BANF2: variants seen among roughly 807,000 people sequenced by gnomAD.
The protein encoded by BANF2 is BANF family member 2.
In BANF2, 4 loss-of-function variants were observed where a neutral mutation model predicts 8.0. The observed-to-expected ratio is 0.50, with a 90% CI of 0.25 to 1.14. The LOEUF (loss-of-function observed/expected upper bound fraction) is 1.14. Ranked by LOEUF, BANF2 falls within the 50% of genes most tolerant of loss-of-function variation. The probability of loss-of-function intolerance (pLI) is 0.16; values close to 1 mark genes in which losing one functional copy is unlikely to be tolerated. For synonymous variants in BANF2, 50 were observed against 40.6 expected (o/e 1.23, Z -0.88); for missense variants, 96 against 107.5 (o/e 0.89, Z 0.47).
upstream of BANF2, among the ~76,000 whole-genome samples, chr20:17,695,445 C>CAAAAAA (rs71192401): frequency 4.1e-4 from 21 of 51,354 alleles, no homozygotes; most frequent in Admixed American, 7.5e-4. Flanking sequence ...GACCTTGTCT[C>CAAAAAA]AAAAAAAAAA....
chr20:17,728,252 C>T (rs545758585), intron 3 of BANF2, among the ~76,000 whole-genome samples: 1 of 152,292 alleles, frequency 6.6e-6, no homozygotes, highest in Non-Finnish European at 1.5e-5. Context: ...TTCCTGGCCT[C>T]GCCCCATGGG....
intron 1 of BANF2, chr20:17,693,787 T>C: frequency 6.7e-7 from 1 of 1,487,738 alleles, no homozygotes. Context: ...ATCACCTGGC[T>C]AGGAGAGGTG....
intron 1 of BANF2, among the ~76,000 whole-genome samples, chr20:17,702,908 C>T (rs1399959844): frequency 2.6e-5 from 4 of 152,156 alleles, no homozygotes; most frequent in Non-Finnish European, 5.9e-5. Context: ...AGGAGCTGCG[C>T]TTGTTGTTTA....
intron 1 of BANF2, among the ~76,000 whole-genome samples, chr20:17,713,725 C>T (rs1458420723): frequency 6.6e-6 from 1 of 151,912 alleles, no homozygotes; most frequent in African/African-American, 2.4e-5. Flanking sequence ...GTCCCAGCTA[C>T]TCACCAGGCT....
intron 1 of BANF2, among the ~76,000 whole-genome samples, chr20:17,718,452 G>A (rs2037685993): frequency 6.6e-6 from 1 of 152,198 alleles, no homozygotes; most frequent in Non-Finnish European, 1.5e-5. Context: ...TGGGATTACA[G>A]GCATGAGCTA....
chr20:17,723,143 CT>C (rs1405558382), intron 2 of BANF2, among the ~76,000 whole-genome samples: 2 of 150,982 alleles, frequency 1.3e-5, no homozygotes, highest in African/African-American at 4.9e-5. Flanking sequence ...GGATAACTAT[CT>C]TGATTTAGGT....
At chr20:17,732,452 A>G (rs1600230501) in intron 3 of BANF2, among the ~76,000 whole-genome samples, 1 of 151,948 alleles carries the variant, frequency 6.6e-6, no homozygotes, top group South Asian at 2.1e-4. Flanking sequence ...TGCAATCTCC[A>G]CCTCCTGGGT....
intron 3 of BANF2, among the ~76,000 whole-genome samples, chr20:17,733,176 G>A (rs1039253258): frequency 3.2e-4 from 48 of 152,194 alleles, no homozygotes; most frequent in Admixed American, 3.1e-3. Flanking sequence ...TCACTAACAG[G>A]CCAGCTGATG....
At chr20:17,705,082 C>T (rs6111626) in intron 1 of BANF2, among the ~76,000 whole-genome samples, 7 of 115,346 alleles carry the variant, frequency 6.1e-5, no homozygotes, top group African/African-American at 2.4e-4. Flanking sequence ...TGTTACCTCA[C>T]TGGCCAGGCC....
chr20:17,735,689 C>CTTCTG lies in BANF2; in HGVS notation c.152_156dup (p.Met53PhefsTer2). ...GGCCTACATCCTGCTGGGACAATTC[C>CTTCTG]TTCTGATGCACAAGAATGAAGCCGA... On this transcript the variant is annotated frameshift_variant, in exon 4 of 4. Transcript: ENST00000246090. LOFTEE classifies it high-confidence loss of function. The CTTCTG allele has an allele frequency of 6.2e-7, 1 of 1,613,972 alleles. No individual in the cohort carries two copies. The highest frequency in any genetic ancestry group is 8.5e-7 in the Non-Finnish European group (1 of 1,179,864).
At chr20:17,733,464 T>C (rs970552679) in intron 3 of BANF2, among the ~76,000 whole-genome samples, 2 of 152,248 alleles carry the variant, frequency 1.3e-5, no homozygotes, top group African/African-American at 2.4e-5. Context: ...GAAAGCTTTG[T>C]GTAAGCCACT....
chr20:17,722,755 C>T lies in BANF2; in HGVS notation c.-127C>T. 9 of 984,862 alleles carry T rather than the reference C, an allele frequency of 9.1e-6. No individual in the cohort carries two copies. The highest frequency in any genetic ancestry group is 1.1e-5 in the Non-Finnish European group (9 of 829,434). The allele number at this position is 984,862 out of a possible 1,614,324, so 61.0% of individuals were successfully genotyped here. ...TCAAGGCCACTTTTCTTAGGAGCCC[C>T]CTGACTTCCAAAATCAGTGCCTTTG... On this transcript the variant is annotated 5_prime_UTR_variant, in exon 2 of 4. Coordinates refer to ENST00000246090, the MANE Select transcript of BANF2 (RefSeq NM_178477.5).
At chr20:17,707,455 T>G (rs2037500060) in intron 1 of BANF2, among the ~76,000 whole-genome samples, 1 of 151,686 alleles carries the variant, frequency 6.6e-6, no homozygotes, top group Non-Finnish European at 1.5e-5. Context: ...AGTAGGAAGA[T>G]GGAAGTACAG....
intron 1 of BANF2, among the ~76,000 whole-genome samples, chr20:17,721,584 G>T (rs745966255): frequency 5.8e-4 from 88 of 152,106 alleles, no homozygotes; most frequent in Non-Finnish European, 1.0e-3. Context: ...TAGAGACGGG[G>T]TTTCACCATG....
At chr20:17,708,056 A>AAAAAAAAAAAAC (rs2037511373) in intron 1 of BANF2, among the ~76,000 whole-genome samples, 1 of 151,236 alleles carries the variant, frequency 6.6e-6, no homozygotes, top group Non-Finnish European at 1.5e-5. Flanking sequence ...CAAAAAAAAA[A>AAAAAAAAAAAAC]AAAAAAAAAA....
chr20:17,717,691 C>T (rs1419021697), intron 1 of BANF2, among the ~76,000 whole-genome samples: 1 of 152,056 alleles, frequency 6.6e-6, no homozygotes, highest in Non-Finnish European at 1.5e-5. Context: ...GCATTAAGTT[C>T]CAAAAGAAAT....
At chr20:17,695,480 A>G (rs8123578), upstream of BANF2, among the ~76,000 whole-genome samples, 1 of 138,164 alleles carries the variant, frequency 7.2e-6, no homozygotes, top group African/African-American at 2.7e-5. Context: ...GTAGAGTCGC[A>G]TAGGTAAAAT....
chr20:17,693,742 G>C (rs1009151603), intron 1 of BANF2: 22 of 1,550,462 alleles, frequency 1.4e-5, no homozygotes, highest in Non-Finnish European at 1.8e-5. Flanking sequence ...TGCTCACGGT[G>C]GGGAAGAGAC....
In BANF2 at chr20:17,709,170, G is replaced by A. The variant is rs555076327; in HGVS notation, c.-167+9115G>A. The stretch of plus-strand genomic sequence containing the variant: ...AGCCTAGTGATTTTCTTTTGAAAGG[G>A]TCTTAAGTAGGTCTTTGCATTTGGG... On this transcript the variant is annotated intron_variant, in intron 1 of 3. Transcript: ENST00000246090. 2.6e-5 allele frequency among the ~76,000 whole-genome samples: 4 copies of A among 152,292 alleles called. No individual in the cohort carries two copies. In the South Asian group the frequency reaches 8.3e-4, roughly 32 times the overall value.
Sources: gnomAD v4.1 joint callset for allele counts (sites outside exome capture counted in the v4.1 genomes callset) on GRCh38, gnomAD v4.1.1 for gene constraint, MANE v1.5 for transcripts, NCBI Gene and HGNC (gene_info 2026-07-23, HGNC 2026-07-21) for gene names.